STK32B: variants seen among roughly 807,000 people sequenced by gnomAD.
The protein encoded by STK32B is serine/threonine-protein kinase 32B.
A neutral mutation model predicts 52.6 loss-of-function variants in STK32B; 43 were observed. That is an observed-to-expected ratio of 0.82 (90% CI 0.64 to 1.05). STK32B has a LOEUF of 1.05. Ranked by LOEUF, STK32B falls within the 50% of genes least tolerant of loss-of-function variation. The pLI, the probability that STK32B is intolerant of heterozygous loss-of-function variation, is 0.00. For missense variants in STK32B, 621 were observed against 534.6 expected, an observed-to-expected ratio of 1.16 and a Z score of -1.59; for synonymous variants, 238 against 204.3, an observed-to-expected ratio of 1.17 and a Z score of -1.41.
chr4:5,321,133 T>A (rs1481375453), intron 3 of STK32B, among the ~76,000 whole-genome samples: 1 of 152,094 alleles, frequency 6.6e-6, no homozygotes, highest in Non-Finnish European at 1.5e-5. Flanking sequence ...TCTAGGCAAG[T>A]TACTCAGCTT....
At chr4:5,401,821 A>G (rs922753994) in intron 5 of STK32B, among the ~76,000 whole-genome samples, 1 of 152,252 alleles carries the variant, frequency 6.6e-6, no homozygotes, top group Non-Finnish European at 1.5e-5. Context: ...TCGCATAAAC[A>G]AAAAACATCC....
At chr4:5,254,360 C>G (rs1237866660) in intron 3 of STK32B, among the ~76,000 whole-genome samples, 2 of 151,476 alleles carry the variant, frequency 1.3e-5, no homozygotes, top group African/African-American at 4.9e-5. Context: ...TATTGATCTT[C>G]TATATTGTTT....
In STK32B at chr4:5,394,086, TG is replaced by T. The variant is rs1359539118; in HGVS notation, c.435-4119del. On this transcript the variant is annotated intron_variant, in intron 4 of 11. Transcript: ENST00000282908. The surrounding 1 kb of genome is among the most constrained non-coding windows in gnomAD (Gnocchi z 4.2). ...AAAGACACATGCAGAAACATCCTGG[TG>T]GCCCTGCTTTGCAGTCTGTGCATGG... is the stretch of plus-strand genomic sequence containing the variant. Among the ~76,000 whole-genome samples, 34 of 152,220 alleles carry T rather than the reference TG, an allele frequency of 2.2e-4. No homozygotes were observed. Among genetic ancestry groups the T allele is most frequent in the African/African-American group, 8.2e-4 (34 of 41,458 alleles).
chr4:5,426,250 G>A (rs754495921), intron 6 of STK32B, among the ~76,000 whole-genome samples: 1 of 152,108 alleles, frequency 6.6e-6, no homozygotes, highest in Non-Finnish European at 1.5e-5. Context: ...ACTTGGTATC[G>A]TCCCATCGTT....
At chr4:5,489,362 G>A (rs1296038096) in intron 11 of STK32B, among the ~76,000 whole-genome samples, 1 of 152,082 alleles carries the variant, frequency 6.6e-6, no homozygotes, top group Non-Finnish European at 1.5e-5. Flanking sequence ...AAAGTTAAAT[G>A]CATGGTTTCC....
chr4:5,464,013 GC>G (rs1717236219), intron 9 of STK32B, among the ~76,000 whole-genome samples: 1 of 152,200 alleles, frequency 6.6e-6, no homozygotes, highest in African/African-American at 2.4e-5. Context: ...ACCTGCATCA[GC>G]TTTGCTTCTG....
rs1317496088 is a variant in STK32B, at chr4:5,378,558, AG to A, written c.435-19646del. Among the ~76,000 whole-genome samples the A allele has an allele frequency of 6.6e-6, 1 of 151,924 alleles. No homozygotes were observed. Among genetic ancestry groups the A allele is most frequent in the Non-Finnish European group, 1.5e-5 (1 of 68,000 alleles). On this transcript the variant is annotated intron_variant, in intron 4 of 11. Transcript: ENST00000282908. This position sits in a 1 kb window ranked among gnomAD's most constrained non-coding sequence, Gnocchi z 4.4. ...TTTTTTTGCATTCTATAGTATTGAT[AG>A]GGTTTGTTATGCCCTTTGTCTTCTC...
intron 1 of STK32B, among the ~76,000 whole-genome samples, chr4:5,123,951 C>G (rs1715212268): frequency 6.6e-6 from 1 of 152,096 alleles, no homozygotes; most frequent in Non-Finnish European, 1.5e-5. Flanking sequence ...GTGTGGGGCT[C>G]TGATCAAAGC....
At chr4:5,128,803 T>C (rs1437111824) in intron 1 of STK32B, among the ~76,000 whole-genome samples, 1 of 152,180 alleles carries the variant, frequency 6.6e-6, no homozygotes, top group East Asian at 1.9e-4. Flanking sequence ...TGCTACCGGC[T>C]CAGGATATGA....
chr4:5,161,718 T>G (rs1189592707), intron 2 of STK32B, among the ~76,000 whole-genome samples: 1 of 152,138 alleles, frequency 6.6e-6, no homozygotes, highest in Non-Finnish European at 1.5e-5. Flanking sequence ...GAGTGCATAT[T>G]GGGTAGTAAA....
chr4:5,050,967 T>G (rs1354755449), upstream of STK32B, among the ~76,000 whole-genome samples: 1 of 152,182 alleles, frequency 6.6e-6, no homozygotes, highest in Middle Eastern at 3.2e-3. Flanking sequence ...AGTTTCCCCA[T>G]GTACAATGAA....
At chr4:5,374,192 C>G (rs536458697) in intron 4 of STK32B, among the ~76,000 whole-genome samples, 1 of 152,284 alleles carries the variant, frequency 6.6e-6, no homozygotes, top group East Asian at 1.9e-4. Context: ...CAGGGTAACA[C>G]CTTGACTTTG....
At chr4:5,435,063 C>A (rs55848664) in intron 6 of STK32B, among the ~76,000 whole-genome samples, 6,057 of 152,222 alleles carry the variant, frequency 0.04, 373 homozygotes, top group African/African-American at 0.13. Context: ...GATGGGAAGA[C>A]TGACATGTGG....
chr4:5,363,907 G>T (rs183991523), intron 4 of STK32B, among the ~76,000 whole-genome samples: 4 of 151,780 alleles, frequency 2.6e-5, no homozygotes, highest in Non-Finnish European at 4.4e-5. Context: ...GGCATATTCA[G>T]ATGAAATCAG....
At chr4:5,361,117 T>A (rs1249780711) in intron 4 of STK32B, among the ~76,000 whole-genome samples, 1 of 152,228 alleles carries the variant, frequency 6.6e-6, no homozygotes, top group East Asian at 1.9e-4. Flanking sequence ...TAACATAATA[T>A]CTGCAAGGTT....
At chr4:5,368,760 C>T (rs182292536) in intron 4 of STK32B, among the ~76,000 whole-genome samples, 1 of 152,124 alleles carries the variant, frequency 6.6e-6, no homozygotes, top group Non-Finnish European at 1.5e-5. Context: ...TGAAAAACAC[C>T]CCAGAAATCC....
chr4:5,431,158 G>A (rs1713540876), intron 6 of STK32B, among the ~76,000 whole-genome samples: 1 of 152,222 alleles, frequency 6.6e-6, no homozygotes, highest in Non-Finnish European at 1.5e-5. Context: ...GGCAAAAGAA[G>A]CTTGGCCCAT....
rs185943072 is a variant in STK32B at position 5,093,576 on chromosome 4, G to T, written c.52+41661G>T. On this transcript the variant is annotated intron_variant, in intron 1 of 11. Transcript: ENST00000282908. ...GGGGCCTGTTGTGAGGTGGGGGAAG[G>T]GGGGAGGGATAGCATTAGGAGATAT... 2.5e-4 allele frequency among the ~76,000 whole-genome samples: 38 copies of T among 152,254 alleles called. No homozygotes were observed. The East Asian group carries it at 5.4e-3, about 22-fold the overall frequency.
intron 3 of STK32B, among the ~76,000 whole-genome samples, chr4:5,233,427 A>C (rs1724412175): frequency 6.6e-6 from 1 of 152,146 alleles, no homozygotes; most frequent in Non-Finnish European, 1.5e-5. Context: ...ATAGCTTGTA[A>C]AGAAAGGGGA....
Sources: gnomAD v4.1 joint callset for allele counts (sites outside exome capture counted in the v4.1 genomes callset) on GRCh38, gnomAD v4.1.1 for gene constraint, Gnocchi (gnomAD v3.1) non-coding constraint, MANE v1.5 for transcripts, NCBI Gene and HGNC (gene_info 2026-07-23, HGNC 2026-07-21) for gene names.